The following CWH43 variants were observed in gnomAD, a reference collection of about 807,000 sequenced individuals.
CWH43 encodes cell wall biogenesis 43 C-terminal homolog.
Under a neutral mutation model 85.7 loss-of-function variants are expected in CWH43, and 91 were observed. The observed-to-expected ratio is 1.06, with a 90% CI of 0.90 to 1.26. The LOEUF is 1.26. CWH43 is among the 50% of genes most tolerant of loss of function. The pLI, the probability that CWH43 is intolerant of heterozygous loss-of-function variation, is 0.00. For synonymous variants in CWH43, 323 were observed against 293.6 expected, an observed-to-expected ratio of 1.10 and a Z score of -1.02; for missense variants, 869 against 839.2, an observed-to-expected ratio of 1.04 and a Z score of -0.44.
intron 14 of CWH43, among the ~76,000 whole-genome samples, chr4:49,045,084 G>A (rs1250218295): frequency 6.6e-6 from 1 of 152,054 alleles, no homozygotes; most frequent in African/African-American, 2.4e-5. Flanking sequence ...ATATAAGAGG[G>A]TACTGTGTAG....
Position 48,986,311 on chromosome 4 carries a change from A to C in CWH43, c.-119A>C. 2.1e-6 allele frequency: 2 copies of C among 970,234 alleles called. No individual in the cohort carries two copies. Among genetic ancestry groups the C allele is most frequent in the Non-Finnish European group, 3.0e-6 (2 of 669,470 alleles). 60.1% of individuals were successfully genotyped at this position (970,234 alleles called of 1,614,324 possible). Reference sequence around the variant, plus strand: ...GCTCACTTGGCAACGGGACGCGGGAACGAGGGGCGCGGACGCAGGCCCGGG... The same window carrying C: ...GCTCACTTGGCAACGGGACGCGGGACCGAGGGGCGCGGACGCAGGCCCGGG... On this transcript the variant is annotated 5_prime_UTR_variant, in exon 1 of 16. Transcript: ENST00000226432.
At chr4:48,988,756 T>C (rs1782568144) in intron 2 of CWH43, 88 bp downstream of exon 2, 1 of 786,010 alleles carries the variant, frequency 1.3e-6, no homozygotes, top group Non-Finnish European at 1.9e-6. Context: ...ATACTAAATA[T>C]TTGAATTTAA....
At chr4:49,040,865 T>A (rs1274947108) in intron 13 of CWH43, among the ~76,000 whole-genome samples, 1 of 152,242 alleles carries the variant, frequency 6.6e-6, no homozygotes, top group African/African-American at 2.4e-5. Flanking sequence ...TCTAGGGTTT[T>A]TATGGTTTTA....
chr4:48,998,111 CA>C (rs370692992), intron 5 of CWH43, among the ~76,000 whole-genome samples: 53 of 152,266 alleles, frequency 3.5e-4, no homozygotes, highest in African/African-American at 1.2e-3. Context: ...GAAAAAAAAG[CA>C]AACTAAATAG....
In CWH43 at chr4:48,988,617, A is replaced by G; in HGVS notation, c.184A>G (p.Lys62Glu). 6.2e-7 allele frequency: 1 copy of G among 1,613,342 alleles called. No homozygotes were observed. Among genetic ancestry groups the G allele is most frequent in the Non-Finnish European group, 8.5e-7 (1 of 1,179,542 alleles). The change falls in exon 2 of 16, where the codon AAA becomes GAA. Residue 62 changes from lysine to glutamate, a missense_variant. Lys to Glu is a moderately conservative substitution (Grantham distance 56). This residue lies in a region of CWH43 where 140 missense variants were observed against 122.6 expected (regional missense o/e 1.14). Coordinates refer to ENST00000226432, the MANE Select transcript of CWH43 (RefSeq NM_025087.3). ...PIFLTITPFW[K>E]LVNKKWMLTL... ...ATTCCTAACAATTACTCCTTTCTGG[A>G]AATTGGTTAACAAGAAGTGGATGCT...
intron 9 of CWH43, among the ~76,000 whole-genome samples, chr4:49,017,635 A>G (rs1447957110): frequency 6.6e-6 from 1 of 152,218 alleles, no homozygotes; most frequent in Non-Finnish European, 1.5e-5. Flanking sequence ...ACTGCCATAA[A>G]GAAATACTTG....
At chr4:49,038,324 C>G (rs1172208007) in intron 13 of CWH43, 144 bp downstream of exon 13, 2 of 629,388 alleles carry the variant, frequency 3.2e-6, no homozygotes, top group Non-Finnish European at 5.3e-6. Flanking sequence ...AACATGTGAG[C>G]TTAAAACAAC....
intron 9 of CWH43, among the ~76,000 whole-genome samples, chr4:49,027,275 G>C (rs1351662758): frequency 6.6e-6 from 1 of 152,218 alleles, no homozygotes; most frequent in Non-Finnish European, 1.5e-5. Flanking sequence ...TGAGAGGGTA[G>C]ATGTTGTTGG....
In CWH43 at chr4:49,011,878, C is replaced by G. The variant is rs999340874; in HGVS notation, c.1186+4552C>G. On this transcript the variant is annotated intron_variant, in intron 8 of 15. Coordinates refer to ENST00000226432, the MANE Select transcript of CWH43 (RefSeq NM_025087.3). The stretch of plus-strand genomic sequence containing the variant: ...GATGGGCTTCCCTTTTTGGGTAACC[C>G]AACATTTCTCTCTGGCTGCCCTTAA... Among the ~76,000 whole-genome samples the G allele has an allele frequency of 3.9e-5, 6 of 152,178 alleles. 1 individual carries two copies. The highest frequency in any genetic ancestry group is 6.5e-5 in the Admixed American group (1 of 15,280).
At chr4:48,996,244 C>T (rs1025484633) in intron 5 of CWH43, among the ~76,000 whole-genome samples, 9 of 151,948 alleles carry the variant, frequency 5.9e-5, no homozygotes, top group Non-Finnish European at 1.3e-4. Flanking sequence ...TCCTTTATGC[C>T]ACATACTATA....
rs1456968340 is a variant in CWH43, at chr4:49,061,995, CA to C, written c.*107del. The stretch of plus-strand genomic sequence containing the variant: ...GTGGGAAAATACACATGAAGAACCT[CA>C]ACTTAAAAAACACATGGTATCTATG... On this transcript the variant is annotated 3_prime_UTR_variant, in exon 16 of 16. Coordinates refer to ENST00000226432, the MANE Select transcript of CWH43 (RefSeq NM_025087.3). 18 of 908,240 alleles carry C rather than the reference CA, an allele frequency of 2.0e-5. No homozygotes were observed. The highest frequency in any genetic ancestry group is 2.6e-5 in the Non-Finnish European group (18 of 687,564). The allele number at this position is 908,240 out of a possible 1,614,324, so 56.3% of individuals were successfully genotyped here.
At chr4:49,016,639 A>G (rs1264607168) in intron 8 of CWH43, 1 of 752,420 alleles carries the variant, frequency 1.3e-6, no homozygotes, top group African/African-American at 1.7e-5. Context: ...TGACACCATC[A>G]GAAGCATGTG....
intron 9 of CWH43, among the ~76,000 whole-genome samples, chr4:49,020,440 T>C (rs1178824792): frequency 6.6e-6 from 1 of 151,424 alleles, no homozygotes; most frequent in Non-Finnish European, 1.5e-5. Context: ...AATCATATTT[T>C]CTTTATCCAC....
chr4:49,061,539 A>G (rs542246161), intron 15 of CWH43, among the ~76,000 whole-genome samples: 1 of 152,322 alleles, frequency 6.6e-6, no homozygotes, highest in Admixed American at 6.5e-5. Context: ...ATAAGAGAAT[A>G]TTATTCAAAC....
intron 14 of CWH43, among the ~76,000 whole-genome samples, chr4:49,049,856 A>G (rs1467180202): frequency 6.6e-6 from 1 of 152,140 alleles, no homozygotes; most frequent in Non-Finnish European, 1.5e-5. Flanking sequence ...TCCTTCTTAC[A>G]CTGCATTCAC....
At position 49,002,677 on chromosome 4, in the gene CWH43, G is replaced by A. The variant is rs140112019; in HGVS notation, c.803-1058G>A. Among the ~76,000 whole-genome samples, 10 of 152,320 alleles carry A rather than the reference G, an allele frequency of 6.6e-5. No homozygotes were observed. The East Asian group carries it at 1.7e-3, about 26-fold the overall frequency. On this transcript the variant is annotated intron_variant, in intron 6 of 15. Transcript: ENST00000226432. Reference sequence around the variant, plus strand: ...TAGGTATTTGAAATCTCCCTATGGAGTTAAACTCCATGGGTTGTAGAGGAC... The same window carrying A: ...TAGGTATTTGAAATCTCCCTATGGAATTAAACTCCATGGGTTGTAGAGGAC...
At position 49,061,926 on chromosome 4, in the gene CWH43, C is replaced by A. The variant is rs542209624; in HGVS notation, c.*36C>A. 6 of 1,281,436 alleles carry A rather than the reference C, an allele frequency of 4.7e-6. No homozygotes were observed. Among genetic ancestry groups the A allele is most frequent in the African/African-American group, 3.0e-5 (2 of 65,764 alleles). The allele number at this position is 1,281,436 out of a possible 1,614,324, so 79.4% of individuals were successfully genotyped here. A position where few individuals can be genotyped will look rare whatever the true frequency, so the allele number is the denominator to read the frequency against. On this transcript the variant is annotated 3_prime_UTR_variant, in exon 16 of 16. Transcript: ENST00000226432. ...ACAAGAAGTTATTGGCTGGGAAAAT[C>A]TAAGAAAAAAAGTATGTAAGATAAA...
At chr4:49,039,019 C>G (rs1271514778) in intron 13 of CWH43, among the ~76,000 whole-genome samples, 1 of 150,338 alleles carries the variant, frequency 6.7e-6, no homozygotes, top group African/African-American at 2.5e-5. Context: ...GATCGCACCA[C>G]TACACTCCAG....
intron 14 of CWH43, among the ~76,000 whole-genome samples, chr4:49,048,988 T>C (rs544538875): frequency 6.6e-6 from 1 of 152,264 alleles, no homozygotes; most frequent in East Asian, 1.9e-4. Flanking sequence ...TGGACAACAA[T>C]GGGAGATCCT....
Sources: allele counts gnomAD v4.1 joint callset (sites outside exome capture counted in the v4.1 genomes callset), GRCh38; gene constraint gnomAD v4.1.1; regional missense constraint gnomAD v4.1.1; transcripts MANE v1.5; gene names NCBI Gene and HGNC (gene_info 2026-07-23, HGNC 2026-07-21).